Variants in IRAK1BP1 observed in about 807,000 individuals in gnomAD.
IRAK1BP1 encodes interleukin 1 receptor associated kinase 1 binding protein 1, also known as interleukin-1 receptor-associated kinase 1-binding protein 1.
A neutral mutation model predicts 28.0 loss-of-function variants in IRAK1BP1; 24 were observed. The ratio of observed to expected loss-of-function variants is 0.86; its 90% CI spans 0.62 to 1.20. IRAK1BP1 has a LOEUF of 1.20. Among genes scored for constraint, IRAK1BP1 ranks in the 50% most tolerant of loss-of-function variants. The pLI, the probability that IRAK1BP1 is intolerant of heterozygous loss-of-function variation, is 0.00. For synonymous variants in IRAK1BP1, 131 were observed against 116.3 expected (o/e 1.13, Z -0.81); for missense variants, 336 against 316.7 (o/e 1.06, Z -0.46).
the IRAK1BP1 span, chr6:78,970,171 T>G: frequency 6.2e-7 from 1 of 1,610,472 alleles, no homozygotes; most frequent in African/African-American, 1.3e-5. Context: ...TAAGTTCTTG[T>G]TCCTGAGAGA....
chr6:78,948,635 C>T (rs1394290429), downstream of IRAK1BP1, among the ~76,000 whole-genome samples: 1 of 152,070 alleles, frequency 6.6e-6, no homozygotes, highest in Non-Finnish European at 1.5e-5. Context: ...GCGGGGACTA[C>T]AGGCAGGCGC....
the IRAK1BP1 span, among the ~76,000 whole-genome samples, chr6:78,952,601 T>C: frequency 2.6e-5 from 4 of 152,186 alleles, no homozygotes; most frequent in African/African-American, 9.6e-5. Flanking sequence ...ACACTCTTAA[T>C]CTCTTTATCA....
chr6:78,893,308 GTGTGTGTA>G (rs1562085745), intron 2 of IRAK1BP1, among the ~76,000 whole-genome samples: 89 of 87,772 alleles, frequency 1.0e-3, no homozygotes, highest in African/African-American at 2.2e-3. Context: ...GTGTGTGTGT[GTGTGTGTA>G]TATATATATA....
At chr6:78,882,608 AG>A (rs1771268226) in intron 1 of IRAK1BP1, among the ~76,000 whole-genome samples, 1 of 152,218 alleles carries the variant, frequency 6.6e-6, no homozygotes, top group South Asian at 2.1e-4. Flanking sequence ...TGTCAAAATG[AG>A]GGACATTCTG....
At chr6:78,870,186 C>T (rs908549554) in intron 1 of IRAK1BP1, among the ~76,000 whole-genome samples, 1 of 138,804 alleles carries the variant, frequency 7.2e-6, no homozygotes, top group African/African-American at 2.6e-5. Context: ...TTCCTCCCCT[C>T]TATTGTATTT....
intron 2 of IRAK1BP1, among the ~76,000 whole-genome samples, chr6:78,889,747 A>T (rs9361462): frequency 2.0e-5 from 3 of 151,856 alleles, no homozygotes; most frequent in African/African-American, 7.3e-5. Context: ...TTAGAATGGC[A>T]ATCTTTAAAA....
intron 1 of IRAK1BP1, among the ~76,000 whole-genome samples, chr6:78,869,205 A>C (rs1435534056): frequency 6.6e-6 from 1 of 152,344 alleles, no homozygotes. Context: ...AAATAAAAAG[A>C]GCTCACAGGT....
chr6:78,908,155 A>G (rs752987884), intron 4 of IRAK1BP1, among the ~76,000 whole-genome samples: 4 of 151,148 alleles, frequency 2.6e-5, no homozygotes, highest in African/African-American at 4.9e-5. Flanking sequence ...GGTTCAAGCA[A>G]TTCTCCTGCC....
At position 78,902,722 on chromosome 6, in the gene IRAK1BP1, G is replaced by A. The variant is rs889895897; in HGVS notation, c.*4388G>A. 2 of 319,120 alleles carry A rather than the reference G, an allele frequency of 6.3e-6. No homozygotes were observed. The highest frequency in any genetic ancestry group is 9.3e-5 in the Admixed American group (2 of 21,442). 19.8% of individuals were successfully genotyped at this position (319,120 alleles called of 1,614,324 possible). A position where few individuals can be genotyped will look rare whatever the true frequency, so the allele number is the denominator to read the frequency against. On this transcript the variant is annotated 3_prime_UTR_variant, in exon 4 of 4. Coordinates refer to ENST00000369940, the MANE Select transcript of IRAK1BP1 (RefSeq NM_001010844.4). ...GGAGGCAGAGCTTACAGTGAGCCGA[G>A]ATCGCACCACTGCACTTCAGCCTGG...
chr6:78,892,207 C>CAA (rs1225998480), intron 2 of IRAK1BP1, among the ~76,000 whole-genome samples: 1 of 151,988 alleles, frequency 6.6e-6, no homozygotes, highest in Non-Finnish European at 1.5e-5. Context: ...TCTTATGTAA[C>CAA]AAACTCTTTC....
chr6:78,882,086 T>C (rs1771250027), intron 1 of IRAK1BP1, among the ~76,000 whole-genome samples: 1 of 152,048 alleles, frequency 6.6e-6, no homozygotes, highest in Admixed American at 6.6e-5. Context: ...GACACCCCAA[T>C]AGCAGTGAGC....
At chr6:78,958,490 A>G in the IRAK1BP1 span, 1 of 1,534,256 alleles carries the variant, frequency 6.5e-7, no homozygotes, top group Non-Finnish European at 9.0e-7. Flanking sequence ...AAAATGTAGA[A>G]GAAGATCAGT....
intron 4 of IRAK1BP1, among the ~76,000 whole-genome samples, chr6:78,924,479 A>C (rs1253959702): frequency 6.6e-6 from 1 of 152,230 alleles, no homozygotes; most frequent in Non-Finnish European, 1.5e-5. Context: ...GCCGAATTCT[A>C]TCAGAGGTAC....
At chr6:78,871,589 G>T in intron 1 of IRAK1BP1, 1 of 936,454 alleles carries the variant, frequency 1.1e-6, no homozygotes, top group Non-Finnish European at 1.3e-6. Flanking sequence ...AAAATTTATA[G>T]TTGAAACCTA....
chr6:78,971,834 G>A, the IRAK1BP1 span, among the ~76,000 whole-genome samples: 35 of 152,106 alleles, frequency 2.3e-4, no homozygotes, highest in African/African-American at 6.8e-4. Context: ...CTTAAAAAAC[G>A]GCGCACCACG....
the IRAK1BP1 span, among the ~76,000 whole-genome samples, chr6:78,963,538 T>C: frequency 4.6e-5 from 7 of 152,182 alleles, no homozygotes; most frequent in Non-Finnish European, 8.8e-5. Flanking sequence ...CTATAAAATA[T>C]GCAAATTTCA....
At chr6:78,935,812 A>C in intron 4 of IRAK1BP1, 1 of 899,406 alleles carries the variant, frequency 1.1e-6, no homozygotes, top group Non-Finnish European at 1.3e-6. Flanking sequence ...TAAGTGCTTT[A>C]TGTGATGCCA....
At chr6:78,919,992 A>T (rs577759089) in intron 4 of IRAK1BP1, among the ~76,000 whole-genome samples, 1 of 152,320 alleles carries the variant, frequency 6.6e-6, no homozygotes, top group East Asian at 1.9e-4. Context: ...GTGGTGGCTT[A>T]TGGCTGTAAT....
the IRAK1BP1 span, chr6:78,970,947 G>A: frequency 5.3e-6 from 6 of 1,125,992 alleles, no homozygotes; most frequent in Non-Finnish European, 7.7e-6. Context: ...CCAATATACA[G>A]GGTATCAGCT....
Sources: allele counts gnomAD v4.1 joint callset (sites outside exome capture counted in the v4.1 genomes callset), GRCh38; gene constraint gnomAD v4.1.1; transcripts MANE v1.5; gene names NCBI Gene and HGNC (gene_info 2026-07-23, HGNC 2026-07-21).